GRIK2: variants seen among roughly 807,000 people sequenced by gnomAD.
The protein encoded by GRIK2 is glutamate ionotropic receptor kainate type subunit 2.
Under a neutral mutation model 100.3 loss-of-function variants are expected in GRIK2, and 32 were observed. That is an observed-to-expected ratio of 0.32 (90% CI 0.24 to 0.43). GRIK2 has a LOEUF of 0.43. Among genes scored for constraint, GRIK2 ranks in the 20% least tolerant of loss-of-function variants. The pLI is 1.00. For synonymous variants in GRIK2, 417 were observed against 389.4 expected (o/e 1.07, Z -0.83); for missense variants, 843 against 1,114.9 (o/e 0.76, Z 3.47).
intron 7 of GRIK2, among the ~76,000 whole-genome samples, chr6:101,788,578 T>C: frequency 6.6e-6 from 1 of 152,308 alleles, no homozygotes. Context: ...CCATGGTGTA[T>C]ATGTGCCACA....
intron 14 of GRIK2, among the ~76,000 whole-genome samples, chr6:102,004,966 T>C (rs1455659464): frequency 6.6e-6 from 1 of 151,824 alleles, no homozygotes. Context: ...TAAAAATATT[T>C]TTTAATTTGT....
At chr6:101,444,653 A>G (rs542699201) in intron 2 of GRIK2, among the ~76,000 whole-genome samples, 79 of 152,224 alleles carry the variant, frequency 5.2e-4, no homozygotes, top group African/African-American at 1.9e-3. Flanking sequence ...TTTTCAATTC[A>G]GGAATTGCAA....
At chr6:101,700,683 G>C (rs1772829252) in intron 7 of GRIK2, among the ~76,000 whole-genome samples, 1 of 152,050 alleles carries the variant, frequency 6.6e-6, no homozygotes, top group Non-Finnish European at 1.5e-5. Flanking sequence ...TAAGGTTAAG[G>C]CTGAGCGTTT....
At chr6:101,874,337 C>T (rs1424861217) in intron 11 of GRIK2, among the ~76,000 whole-genome samples, 1 of 151,830 alleles carries the variant, frequency 6.6e-6, no homozygotes, top group Non-Finnish European at 1.5e-5. Flanking sequence ...TTCCCAGCAC[C>T]ATTTATTAAA....
intron 14 of GRIK2, among the ~76,000 whole-genome samples, chr6:101,969,507 A>G (rs939324029): frequency 2.0e-5 from 3 of 152,068 alleles, no homozygotes; most frequent in African/African-American, 7.2e-5. Flanking sequence ...ACCTCAAATA[A>G]TTGATTTCAA....
chr6:101,511,659 C>T (rs751420529), intron 2 of GRIK2, among the ~76,000 whole-genome samples: 7 of 151,896 alleles, frequency 4.6e-5, no homozygotes, highest in Non-Finnish European at 7.4e-5. Context: ...GTAGTTTTAT[C>T]GCTTCTCAGC....
intron 7 of GRIK2, among the ~76,000 whole-genome samples, chr6:101,773,773 G>T (rs908750089): frequency 1.3e-5 from 2 of 151,996 alleles, no homozygotes; most frequent in African/African-American, 2.4e-5. Flanking sequence ...ATTACTTAAA[G>T]GTGAGGAAAA....
intron 2 of GRIK2, among the ~76,000 whole-genome samples, chr6:101,568,233 G>A (rs138529555): frequency 0.01 from 1,541 of 151,762 alleles, 12 homozygotes; most frequent in Middle Eastern, 0.031. Flanking sequence ...TGTACTATAA[G>A]GCATGTTTCT....
intron 10 of GRIK2, among the ~76,000 whole-genome samples, chr6:101,855,931 A>G (rs1305747284): frequency 6.6e-6 from 1 of 152,210 alleles, no homozygotes; most frequent in Non-Finnish European, 1.5e-5. Context: ...TAAAGAAATT[A>G]GTAGAATCAG....
chr6:101,762,883 G>A (rs775203338), intron 7 of GRIK2, among the ~76,000 whole-genome samples: 4 of 152,126 alleles, frequency 2.6e-5, no homozygotes, highest in South Asian at 2.1e-4. Flanking sequence ...GTACATTTTG[G>A]ATTTTTAAAA....
intron 10 of GRIK2, among the ~76,000 whole-genome samples, chr6:101,838,126 C>T (rs1342684603): frequency 3.3e-5 from 5 of 152,168 alleles, no homozygotes; most frequent in Non-Finnish European, 5.9e-5. Flanking sequence ...TGCTAAGTTT[C>T]CCTCAGTTTA....
intron 9 of GRIK2, among the ~76,000 whole-genome samples, chr6:101,813,023 A>G (rs1047620433): frequency 1.3e-5 from 2 of 150,910 alleles, no homozygotes; most frequent in African/African-American, 2.4e-5. Context: ...GTTCATATAT[A>G]CATGATATAC....
intron 2 of GRIK2, among the ~76,000 whole-genome samples, chr6:101,487,891 G>A (rs1338499334): frequency 6.9e-6 from 1 of 145,810 alleles, no homozygotes; most frequent in African/African-American, 2.6e-5. Flanking sequence ...CATTAACCCT[G>A]AGTAAATGTT....
chr6:102,024,934 A>G (rs1287473852), intron 14 of GRIK2, among the ~76,000 whole-genome samples: 1 of 149,326 alleles, frequency 6.7e-6, no homozygotes, highest in Non-Finnish European at 1.5e-5. Flanking sequence ...TGATATATAT[A>G]TATATTATTT....
chr6:102,042,690 A>G (rs1420692021), intron 15 of GRIK2, among the ~76,000 whole-genome samples: 1 of 151,756 alleles, frequency 6.6e-6, no homozygotes, highest in Non-Finnish European at 1.5e-5. Flanking sequence ...TTAGATTTGG[A>G]AAAAAGCATA....
intron 2 of GRIK2, among the ~76,000 whole-genome samples, chr6:101,466,594 T>TAA (rs3057462): frequency 4.2e-5 from 6 of 142,760 alleles, no homozygotes; most frequent in Admixed American, 4.2e-4. Context: ...TGCTTTTTTC[T>TAA]AAAAAAAAAA....
intron 2 of GRIK2, among the ~76,000 whole-genome samples, chr6:101,576,660 C>T (rs905530065): frequency 6.6e-6 from 1 of 151,846 alleles, no homozygotes; most frequent in Admixed American, 6.6e-5. Context: ...CTAAGTTAAG[C>T]TCTTTTGTTA....
chr6:102,044,766 T>TACAA (rs773540267), intron 15 of GRIK2, among the ~76,000 whole-genome samples: 1 of 152,052 alleles, frequency 6.6e-6, no homozygotes, highest in African/African-American at 2.4e-5. Context: ...CTGATAACAA[T>TACAA]ACAAACAAGT....
At chr6:102,067,336 T>C (rs1772068135) in intron 16 of GRIK2, among the ~76,000 whole-genome samples, 1 of 151,718 alleles carries the variant, frequency 6.6e-6, no homozygotes, top group African/African-American at 2.4e-5. Flanking sequence ...GGAACAGAGC[T>C]CTTGAAATTT....
Sources: allele counts gnomAD v4.1 joint callset (sites outside exome capture counted in the v4.1 genomes callset), GRCh38; gene constraint gnomAD v4.1.1; transcripts MANE v1.5; gene names NCBI Gene and HGNC (gene_info 2026-07-23, HGNC 2026-07-21).